Variants in AGBL4 observed in about 807,000 individuals in gnomAD.
AGBL4 encodes cytosolic carboxypeptidase 6.
Under a neutral mutation model 66.4 loss-of-function variants are expected in AGBL4, and 58 were observed. The ratio of observed to expected loss-of-function variants is 0.87; its 90% CI spans 0.71 to 1.09. The LOEUF is 1.09. Ranked by LOEUF, AGBL4 falls within the 50% of genes least tolerant of loss-of-function variation. The pLI is 0.00. For missense variants in AGBL4, 579 were observed against 631.0 expected (o/e 0.92, Z 0.88); for synonymous variants, 234 against 222.9 (o/e 1.05, Z -0.44).
At chr1:49,332,661 T>G (rs1004816187) in intron 3 of AGBL4, among the ~76,000 whole-genome samples, 12 of 152,224 alleles carry the variant, frequency 7.9e-5, no homozygotes, top group Non-Finnish European at 1.5e-4. Flanking sequence ...TAAGTGAATC[T>G]TAGTAACATC....
chr1:49,926,956 G>A (rs1274942588), intron 1 of AGBL4, among the ~76,000 whole-genome samples: 2 of 152,148 alleles, frequency 1.3e-5, no homozygotes, highest in African/African-American at 4.8e-5. Context: ...GGAGCAAGGA[G>A]AAACAGTCTG....
chr1:48,994,055 A>G (rs1660819436), intron 5 of AGBL4, among the ~76,000 whole-genome samples: 1 of 152,036 alleles, frequency 6.6e-6, no homozygotes, highest in South Asian at 2.1e-4. Flanking sequence ...GGAGGCTTCT[A>G]TTTGCCATCT....
intron 1 of AGBL4, among the ~76,000 whole-genome samples, chr1:49,955,500 C>T (rs1261563031): frequency 6.6e-6 from 1 of 151,834 alleles, no homozygotes; most frequent in African/African-American, 2.4e-5. Context: ...CAGCAAGGGT[C>T]CCAATACTAT....
At position 48,566,027 on chromosome 1, in the gene AGBL4, C is replaced by T. The variant is rs1171925940; in HGVS notation, c.1267+20977G>A. ...TCTAGCTCCTTCTGCATATACCATC[C>T]ACTCCTGTTAATACAATAATTTCCT... On this transcript the variant is annotated intron_variant, in intron 11 of 13. Coordinates refer to ENST00000371839, the MANE Select transcript of AGBL4 (RefSeq NM_032785.4). Among the ~76,000 whole-genome samples, 3 of 152,160 alleles carry T rather than the reference C, an allele frequency of 2.0e-5. No homozygotes were observed. In the East Asian group the frequency reaches 5.8e-4, roughly 29 times the overall value.
At chr1:49,600,848 T>C (rs1644944642) in intron 3 of AGBL4, among the ~76,000 whole-genome samples, 1 of 152,140 alleles carries the variant, frequency 6.6e-6, no homozygotes, top group South Asian at 2.1e-4. Context: ...GTAAAGGTTA[T>C]GAAGTTAGTT....
intron 3 of AGBL4, among the ~76,000 whole-genome samples, chr1:49,350,112 A>G (rs1645719030): frequency 6.6e-6 from 1 of 152,092 alleles, no homozygotes; most frequent in Non-Finnish European, 1.5e-5. Flanking sequence ...TTACTGATAT[A>G]TGTCCACTCT....
chr1:50,018,381 G>A (rs778559559), intron 1 of AGBL4, among the ~76,000 whole-genome samples: 8 of 152,064 alleles, frequency 5.3e-5, no homozygotes, highest in Non-Finnish European at 1.2e-4. Flanking sequence ...CCAATATGGT[G>A]AACACTATCA....
chr1:49,387,058 A>G (rs949062276), intron 3 of AGBL4, among the ~76,000 whole-genome samples: 4 of 151,980 alleles, frequency 2.6e-5, no homozygotes, highest in African/African-American at 4.8e-5. Flanking sequence ...TAATTAATAA[A>G]CTAATACACA....
At chr1:49,024,819 C>G (rs1483775069) in intron 5 of AGBL4, among the ~76,000 whole-genome samples, 1 of 152,086 alleles carries the variant, frequency 6.6e-6, no homozygotes, top group Admixed American at 6.6e-5. Context: ...CTACTAGAAG[C>G]CTCTTGTCAT....
chr1:49,160,786 C>T (rs889561024), intron 4 of AGBL4, among the ~76,000 whole-genome samples: 15 of 152,294 alleles, frequency 9.8e-5, no homozygotes, highest in South Asian at 4.1e-4. Context: ...CTGGCCACAG[C>T]GGCCTTGCTG....
Position 49,122,337 on chromosome 1 carries a change from T to C in AGBL4, c.378-76537A>G, listed in dbSNP as rs565239625. ...GACCGGAGCTGTTCCTATTTGTCCATCTTGGAACAGACCCCACATTTTTTT... is the reference window on the plus strand; with the variant it reads ...GACCGGAGCTGTTCCTATTTGTCCACCTTGGAACAGACCCCACATTTTTTT... On this transcript the variant is annotated intron_variant, in intron 4 of 13. Transcript: ENST00000371839. Among the ~76,000 whole-genome samples the C allele has an allele frequency of 9.8e-5, 15 of 152,310 alleles. No individual in the cohort carries two copies. The South Asian group carries it at 1.0e-3, about 11-fold the overall frequency.
At chr1:48,753,295 G>A (rs897939531) in intron 6 of AGBL4, among the ~76,000 whole-genome samples, 2 of 152,216 alleles carry the variant, frequency 1.3e-5, no homozygotes, top group Admixed American at 6.5e-5. Flanking sequence ...AGACACCTGA[G>A]AAGGGTTAAA....
chr1:49,743,517 T>C (rs2147815582), intron 2 of AGBL4, among the ~76,000 whole-genome samples: 1 of 152,246 alleles, frequency 6.6e-6, no homozygotes, highest in East Asian at 1.9e-4. Context: ...GATCTAGAAC[T>C]AGAAATACCA....
chr1:49,169,955 G>A (rs145752086), intron 4 of AGBL4, among the ~76,000 whole-genome samples: 173 of 152,032 alleles, frequency 1.1e-3, no homozygotes, highest in African/African-American at 4.0e-3. Context: ...CATACTGAGT[G>A]GTATAATGGA....
intron 6 of AGBL4, chr1:48,761,195 G>T: frequency 2.1e-6 from 2 of 931,740 alleles, no homozygotes; most frequent in South Asian, 1.8e-5. Context: ...GTTGTCCCAC[G>T]CTTTCACTAC....
intron 9 of AGBL4, among the ~76,000 whole-genome samples, chr1:48,604,040 C>T (rs942749890): frequency 3.9e-5 from 6 of 151,908 alleles, no homozygotes; most frequent in Admixed American, 6.6e-5. Flanking sequence ...GGCTGAGGCA[C>T]GAGAATTGCT....
intron 6 of AGBL4, among the ~76,000 whole-genome samples, chr1:48,755,805 A>G (rs1652457451): frequency 6.6e-6 from 1 of 152,156 alleles, no homozygotes; most frequent in South Asian, 2.1e-4. Flanking sequence ...CTACTTCCCA[A>G]TGTCTTAATC....
the AGBL4 span, among the ~76,000 whole-genome samples, chr1:48,524,596 C>G: frequency 6.6e-6 from 1 of 152,168 alleles, no homozygotes; most frequent in Non-Finnish European, 1.5e-5. Flanking sequence ...GAATTTCAAA[C>G]AGCAGCTTAA....
At chr1:49,712,471 A>G (rs1373806333) in intron 2 of AGBL4, among the ~76,000 whole-genome samples, 5 of 151,782 alleles carry the variant, frequency 3.3e-5, no homozygotes, top group Non-Finnish European at 4.4e-5. Flanking sequence ...AAGAATGGGG[A>G]GATAAAGATC....
Sources: gnomAD v4.1 joint callset for allele counts (sites outside exome capture counted in the v4.1 genomes callset) on GRCh38, gnomAD v4.1.1 for gene constraint, MANE v1.5 for transcripts, NCBI Gene and HGNC (gene_info 2026-07-23, HGNC 2026-07-21) for gene names.